CDH2: variants seen among roughly 807,000 people sequenced by gnomAD.
CDH2 encodes the protein cadherin-2.
A neutral mutation model predicts 92.0 loss-of-function variants in CDH2; 17 were observed. The observed-to-expected ratio is 0.18, with a 90% CI of 0.13 to 0.28. The LOEUF is 0.28. Ranked by LOEUF, CDH2 falls within the 10% of genes least tolerant of loss-of-function variation. CDH2 has a pLI of 1.00. For missense variants in CDH2, 862 were observed against 1,133.1 expected, an observed-to-expected ratio of 0.76 and a Z score of 3.44; for synonymous variants, 419 against 415.9, an observed-to-expected ratio of 1.01 and a Z score of -0.09.
intron 1 of CDH2, among the ~76,000 whole-genome samples, chr18:28,160,380 G>A (rs953069017): frequency 1.8e-4 from 28 of 152,048 alleles, no homozygotes; most frequent in African/African-American, 6.3e-4. Context: ...GTGCTGAGGG[G>A]CATAAAAAGA....
Position 27,951,912 on chromosome 18 carries a change from C to A in CDH2, c.*241G>T. 4.0e-6 allele frequency: 2 copies of A among 494,566 alleles called. No homozygotes were observed. The highest frequency in any genetic ancestry group is 3.6e-6 in the Non-Finnish European group (1 of 274,152). The allele number at this position is 494,566 out of a possible 1,614,324, so 30.6% of individuals were successfully genotyped here. A position where few individuals can be genotyped will look rare whatever the true frequency, so the allele number is the denominator to read the frequency against. On this transcript the variant is annotated 3_prime_UTR_variant, in exon 16 of 16. Coordinates refer to ENST00000269141, the MANE Select transcript of CDH2 (RefSeq NM_001792.5). ...CCAATCTGAAAAAGGTACAAAAAGG[C>A]ACATAAAATCCCAGTGCTTCTGTAC...
At chr18:27,979,715 G>A (rs780802555) in intron 14 of CDH2, among the ~76,000 whole-genome samples, 1 of 152,036 alleles carries the variant, frequency 6.6e-6, no homozygotes, top group Non-Finnish European at 1.5e-5. Flanking sequence ...ACAGAGTGCC[G>A]ACTGTTTGAT....
chr18:28,014,629 G>C (rs963665971), intron 2 of CDH2, among the ~76,000 whole-genome samples: 2 of 151,774 alleles, frequency 1.3e-5, no homozygotes, highest in Non-Finnish European at 2.9e-5. Flanking sequence ...TAAAAATAAA[G>C]GTGTATCCCA....
intron 9 of CDH2, 48 bp downstream of exon 9, chr18:27,992,607 C>A: frequency 6.7e-7 from 1 of 1,499,346 alleles, no homozygotes; most frequent in South Asian, 1.3e-5. Flanking sequence ...ATATATTGGT[C>A]CTTGCTGAGC....
intron 1 of CDH2, among the ~76,000 whole-genome samples, chr18:28,149,932 G>A (rs2016095469): frequency 6.6e-6 from 1 of 152,150 alleles, no homozygotes; most frequent in African/African-American, 2.4e-5. Flanking sequence ...TAAGAAGTGA[G>A]GCTTCCAACA....
chr18:28,064,409 G>A (rs572399055), intron 2 of CDH2, among the ~76,000 whole-genome samples: 14 of 152,164 alleles, frequency 9.2e-5, no homozygotes, highest in African/African-American at 3.4e-4. Context: ...AGGACTACAG[G>A]TGTGTACCAC....
At chr18:28,170,945 G>A (rs2016455358) in intron 1 of CDH2, among the ~76,000 whole-genome samples, 1 of 151,488 alleles carries the variant, frequency 6.6e-6, no homozygotes, top group Non-Finnish European at 1.5e-5. Flanking sequence ...AAAACTAGAG[G>A]AGGCCAGGAG....
chr18:28,137,012 C>A (rs976227372), intron 2 of CDH2, among the ~76,000 whole-genome samples: 1 of 152,050 alleles, frequency 6.6e-6, no homozygotes, highest in Non-Finnish European at 1.5e-5. Context: ...TTATTTCCTA[C>A]ACTTTTTAAT....
intron 2 of CDH2, among the ~76,000 whole-genome samples, chr18:28,136,386 CTTT>C (rs75569427): frequency 1.5e-4 from 20 of 137,532 alleles, no homozygotes; most frequent in Admixed American, 2.9e-4. Flanking sequence ...TTGCTGTAAT[CTTT>C]TTTTTTTTTT....
At chr18:28,101,403 T>C (rs1468351811) in intron 2 of CDH2, among the ~76,000 whole-genome samples, 3 of 152,156 alleles carry the variant, frequency 2.0e-5, no homozygotes, top group African/African-American at 7.2e-5. Context: ...AATTTTCATC[T>C]GCCATAATGA....
At chr18:28,062,155 C>T (rs909664926) in intron 2 of CDH2, among the ~76,000 whole-genome samples, 7 of 152,158 alleles carry the variant, frequency 4.6e-5, no homozygotes, top group Non-Finnish European at 1.0e-4. Flanking sequence ...CAAACAGATA[C>T]AATGAACAGC....
chr18:28,070,812 ACAT>A (rs1420034720), intron 2 of CDH2, among the ~76,000 whole-genome samples: 2 of 152,188 alleles, frequency 1.3e-5, no homozygotes, highest in Admixed American at 6.6e-5. Flanking sequence ...GGTAAACAAC[ACAT>A]CATGTCACAC....
chr18:28,146,248 T>G (rs1053028347), intron 2 of CDH2: 35 of 152,266 alleles, frequency 2.3e-4, no homozygotes, highest in African/African-American at 7.9e-4. Flanking sequence ...CAAATTCCAC[T>G]TTTTATTATC....
At chr18:28,093,794 A>G (rs1326054172) in intron 2 of CDH2, among the ~76,000 whole-genome samples, 2 of 152,210 alleles carry the variant, frequency 1.3e-5, no homozygotes, top group Non-Finnish European at 2.9e-5. Context: ...CTTTGTCACA[A>G]AGAGAATCAT....
chr18:28,016,051 T>G (rs1381301804), intron 2 of CDH2, among the ~76,000 whole-genome samples: 6 of 152,192 alleles, frequency 3.9e-5, no homozygotes, highest in Non-Finnish European at 8.8e-5. Flanking sequence ...GGTCATCACT[T>G]TGGGGGAAGA....
intron 2 of CDH2, among the ~76,000 whole-genome samples, chr18:28,090,247 G>A (rs1599093060): frequency 2.0e-5 from 3 of 152,048 alleles, no homozygotes; most frequent in Non-Finnish European, 2.9e-5. Context: ...AATTCACTAC[G>A]CTTTTAAATA....
chr18:27,975,561 C>T (rs2011798240), intron 14 of CDH2, among the ~76,000 whole-genome samples: 1 of 152,302 alleles, frequency 6.6e-6, no homozygotes, highest in South Asian at 2.1e-4. Context: ...CCTGTGGTGG[C>T]GTCTAGGTGG....
At chr18:28,167,906 G>T (rs772004027) in intron 1 of CDH2, among the ~76,000 whole-genome samples, 1 of 151,976 alleles carries the variant, frequency 6.6e-6, no homozygotes. Context: ...CAATATTTTC[G>T]CTGCAAAAAC....
intron 2 of CDH2, among the ~76,000 whole-genome samples, chr18:28,039,364 G>C (rs1741089866): frequency 6.6e-6 from 1 of 152,102 alleles, no homozygotes; most frequent in South Asian, 2.1e-4. Context: ...TTCCATGCTA[G>C]TTCCAGTCTT....
Sources: gnomAD v4.1 joint callset for allele counts (sites outside exome capture counted in the v4.1 genomes callset) on GRCh38, gnomAD v4.1.1 for gene constraint, MANE v1.5 for transcripts, NCBI Gene and HGNC (gene_info 2026-07-23, HGNC 2026-07-21) for gene names.